The following SEM1 variants were observed in gnomAD, a reference collection of about 807,000 sequenced individuals.
SEM1 encodes SEM1 26S proteasome subunit, also known as 26S proteasome complex subunit SEM1.
A neutral mutation model predicts 12.7 loss-of-function variants in SEM1; 3 were observed. That is an observed-to-expected ratio of 0.24 (90% CI 0.11 to 0.61). The LOEUF (loss-of-function observed/expected upper bound fraction) is 0.61. Ranked by LOEUF, SEM1 falls within the 20% of genes least tolerant of loss-of-function variation. The probability of loss-of-function intolerance (pLI) is 0.88; values close to 1 mark genes in which losing one functional copy is unlikely to be tolerated. For synonymous variants in SEM1, 30 were observed against 27.8 expected, an observed-to-expected ratio of 1.08 and a Z score of -0.25; for missense variants, 59 against 81.3, an observed-to-expected ratio of 0.73 and a Z score of 1.06.
intron 2 of SEM1, among the ~76,000 whole-genome samples, chr7:96,661,005 A>G (rs1400398956): frequency 6.6e-6 from 1 of 152,212 alleles, no homozygotes; most frequent in Non-Finnish European, 1.5e-5. Flanking sequence ...GTAAACATTT[A>G]CGTGATTCTT....
chr7:96,515,444 C>G (rs1337458084), intron 2 of SEM1, among the ~76,000 whole-genome samples: 2 of 152,126 alleles, frequency 1.3e-5, no homozygotes, highest in African/African-American at 4.8e-5. Flanking sequence ...TAAAATAATT[C>G]AACCATTGTG....
chr7:96,618,342 A>G (rs566668629), downstream of SEM1, among the ~76,000 whole-genome samples: 2 of 152,144 alleles, frequency 1.3e-5, no homozygotes, highest in Non-Finnish European at 2.9e-5. Flanking sequence ...TCACTTTGAC[A>G]TTAGATATTC....
chr7:96,650,697 C>T (rs1233989067), intron 2 of SEM1, among the ~76,000 whole-genome samples: 2 of 151,994 alleles, frequency 1.3e-5, no homozygotes, highest in African/African-American at 2.4e-5. Flanking sequence ...CACACACACA[C>T]ACACTCAGAG....
chr7:96,599,117 G>C (rs574719817), intron 2 of SEM1, among the ~76,000 whole-genome samples: 1 of 152,284 alleles, frequency 6.6e-6, no homozygotes, highest in East Asian at 1.9e-4. Context: ...TCTTAGAGCA[G>C]AGATTGCTTG....
intron 2 of SEM1, among the ~76,000 whole-genome samples, chr7:96,588,383 C>CG (rs373751851): frequency 0.13 from 14,778 of 112,228 alleles, 819 homozygotes; most frequent in Non-Finnish European, 0.16. Context: ...CACACACACA[C>CG]ACACACACAC....
chr7:96,502,334 G>A (rs1803592744), intron 3 of SEM1, among the ~76,000 whole-genome samples: 2 of 152,108 alleles, frequency 1.3e-5, no homozygotes, highest in Non-Finnish European at 2.9e-5. Context: ...TCCTCTCAAA[G>A]TAATGTAGAT....
chr7:96,673,591 A>G, exon 3 of SEM1: 1 of 618,278 alleles, frequency 1.6e-6, no homozygotes, highest in South Asian at 1.9e-5. Flanking sequence ...CTGGACCTTC[A>G]CCCAGGCTGC....
In SEM1 at chr7:96,695,635, T is replaced by C. The variant is rs570616063; in HGVS notation, c.77-744A>G. 4 of 152,018 alleles carry C rather than the reference T, an allele frequency of 2.6e-5. No homozygotes were observed. The South Asian group carries it at 8.3e-4, about 31-fold the overall frequency. The allele number at this position is 152,018 out of a possible 1,614,324, so 9.4% of individuals were successfully genotyped here. ...TTTAAGGAGTCTTTATAAAGATGTC[T>C]AATGGAGTTTTATGTTACAAAAAAA... is the stretch of plus-strand genomic sequence containing the variant. On this transcript the variant is annotated intron_variant, in intron 1 of 2. Transcript: ENST00000248566.
chr7:96,627,542 G>C lies in SEM1; in HGVS notation c.171-4899C>G, dbSNP rs1443942107. ...TTATTGACCCACTGGTCATTCAGGA[G>C]CATGTTGTTTAGTTTCCACGTACTC... On this transcript the variant is annotated intron_variant, in intron 2 of 2. Transcript: ENST00000417009. Among the ~76,000 whole-genome samples the C allele has an allele frequency of 2.0e-5, 3 of 152,038 alleles. No homozygotes were observed. The East Asian group carries it at 5.8e-4, about 29-fold the overall frequency.
At chr7:96,563,845 C>G (rs145367214) in intron 2 of SEM1, among the ~76,000 whole-genome samples, 4 of 150,394 alleles carry the variant, frequency 2.7e-5, no homozygotes, top group African/African-American at 9.7e-5. Flanking sequence ...AGAAATCCAC[C>G]CAGATTAGCC....
At chr7:96,646,028 A>ATTCT (rs1298711432) in intron 2 of SEM1, 2 of 396,246 alleles carry the variant, frequency 5.0e-6, no homozygotes, top group African/African-American at 4.1e-5. Context: ...TGTCTTTCCC[A>ATTCT]TTCTCCATTG....
intron 2 of SEM1, among the ~76,000 whole-genome samples, chr7:96,542,976 G>T (rs569181361): frequency 6.0e-4 from 91 of 151,994 alleles, no homozygotes; most frequent in African/African-American, 2.1e-3. Context: ...TAATTTTTAT[G>T]TTGGGATGTT....
intron 2 of SEM1, among the ~76,000 whole-genome samples, chr7:96,595,437 A>G (rs1028484253): frequency 3.3e-5 from 5 of 152,128 alleles, no homozygotes; most frequent in Admixed American, 2.0e-4. Flanking sequence ...ACTTGAGCCC[A>G]GGAGGTCAAG....
At chr7:96,525,928 G>C (rs1804449319) in intron 2 of SEM1, among the ~76,000 whole-genome samples, 1 of 152,114 alleles carries the variant, frequency 6.6e-6, no homozygotes, top group African/African-American at 2.4e-5. Flanking sequence ...TGGTCTTCCA[G>C]AAAACTGGTC....
chr7:96,582,151 T>C (rs1806432157), intron 2 of SEM1, among the ~76,000 whole-genome samples: 1 of 151,638 alleles, frequency 6.6e-6, no homozygotes, highest in Admixed American at 6.6e-5. Flanking sequence ...GTCCCATCAA[T>C]ACCTAATTTA....
chr7:96,643,330 A>T (rs1309203496), intron 2 of SEM1, among the ~76,000 whole-genome samples: 1 of 146,714 alleles, frequency 6.8e-6, no homozygotes, highest in African/African-American at 2.7e-5. Flanking sequence ...TACGTACCAT[A>T]TTTTCTTTAT....
At chr7:96,651,736 T>C (rs150095452) in intron 2 of SEM1, among the ~76,000 whole-genome samples, 6,470 of 152,190 alleles carry the variant, frequency 0.043, 186 homozygotes, top group Non-Finnish European at 0.065. Flanking sequence ...CACACCCAGC[T>C]AATGTTTATA....
In SEM1 at chr7:96,688,859, G is replaced by C. The variant is rs139665659; in HGVS notation, c.*65C>G. The C allele has an allele frequency of 3.7e-4, 349 of 935,562 alleles. 2 individuals are homozygous for C. The African/African-American group carries it at 5.5e-3, about 15-fold the overall frequency. 58.0% of individuals were successfully genotyped at this position (935,562 alleles called of 1,614,324 possible). On this transcript the variant is annotated 3_prime_UTR_variant, in exon 3 of 3. Coordinates refer to ENST00000248566, the MANE Select transcript of SEM1 (RefSeq NM_006304.2). ...CACATTTTTTTAGTGTCCCATCCTG[G>C]GTTCTCTGCCCTAGAATGTATTAAG...
At chr7:96,563,060 A>G (rs1457850529) in intron 2 of SEM1, among the ~76,000 whole-genome samples, 1 of 152,166 alleles carries the variant, frequency 6.6e-6, no homozygotes, top group Non-Finnish European at 1.5e-5. Flanking sequence ...AAGAGGGTCA[A>G]GATTCAAATG....
Sources: allele counts gnomAD v4.1 joint callset (sites outside exome capture counted in the v4.1 genomes callset), GRCh38; gene constraint gnomAD v4.1.1; transcripts MANE v1.5; gene names NCBI Gene and HGNC (gene_info 2026-07-23, HGNC 2026-07-21).